Variants in SMARCA4 observed in about 807,000 individuals in gnomAD.
SMARCA4 encodes the protein SWI/SNF related BAF chromatin remodeling complex subunit ATPase 4.
SMARCA4 carries 31 observed loss-of-function variants against 193.9 expected under a neutral mutation model. The ratio of observed to expected loss-of-function variants is 0.16; its 90% CI spans 0.12 to 0.22. The LOEUF (loss-of-function observed/expected upper bound fraction) is 0.22. Ranked by LOEUF, SMARCA4 falls within the 10% of genes least tolerant of loss-of-function variation. The probability of loss-of-function intolerance (pLI) is 1.00; values close to 1 mark genes in which losing one functional copy is unlikely to be tolerated. For synonymous variants in SMARCA4, 942 were observed against 933.1 expected, an observed-to-expected ratio of 1.01 and a Z score of -0.17; for missense variants, 1,148 against 2,296.0, an observed-to-expected ratio of 0.50 and a Z score of 10.22.
chr19:11,052,660 C>T (rs1236153569), intron 30 of SMARCA4, among the ~76,000 whole-genome samples: 6 of 152,194 alleles, frequency 3.9e-5, no homozygotes, highest in Non-Finnish European at 7.3e-5. Flanking sequence ...ACTCAGGATT[C>T]CAGGACCTCC....
rs755746907 is a variant in SMARCA4, at chr19:10,986,285, G to T, written c.452G>T (p.Gly151Val). 2 of 1,613,824 alleles carry T rather than the reference G, an allele frequency of 1.2e-6. No homozygotes were observed. Among genetic ancestry groups the T allele is most frequent in the Non-Finnish European group, 1.7e-6 (2 of 1,180,004 alleles). The change falls in exon 4 of 35, where the codon GGT (glycine) becomes GTT (valine). Residue 151 changes from glycine (G) to valine (V), a missense_variant. Physicochemically the swap from Gly to Val is moderately radical, Grantham distance 109. Coordinates refer to ENST00000344626, the MANE Select transcript of SMARCA4 (RefSeq NM_003072.5). This position sits in a 1 kb window ranked among gnomAD's most constrained non-coding sequence, Gnocchi z 6.7. ...SGPQMSSGPG[G>V]APLDGADPQA... Reference sequence around the variant, plus strand: ...CCCCAGATGTCTTCCGGGCCAGGAGGTGCCCCGCTGGATGGTGCTGACCCC... The same window carrying T: ...CCCCAGATGTCTTCCGGGCCAGGAGTTGCCCCGCTGGATGGTGCTGACCCC...
In SMARCA4 at chr19:10,986,899, A is replaced by G. The variant is rs772994811; in HGVS notation, c.761-6A>G. 3.1e-6 allele frequency: 5 copies of G among 1,605,250 alleles called. No individual in the cohort carries two copies. The highest frequency in any genetic ancestry group is 2.2e-5 in the East Asian group (1 of 44,820). On this transcript the variant is annotated splice_region_variant and splice_polypyrimidine_tract_variant and intron_variant, in intron 4 of 34. Coordinates refer to ENST00000344626, the MANE Select transcript of SMARCA4 (RefSeq NM_003072.5). This position sits in a 1 kb window ranked among gnomAD's most constrained non-coding sequence, Gnocchi z 6.7. ...TGTTTTCTCTTTTGTTTCTCCCTAC[A>G]TGTAGGTATGGGAGGGCCCAACATG...
chr19:11,043,672 T>C (rs1442430398), intron 30 of SMARCA4, among the ~76,000 whole-genome samples: 2 of 151,852 alleles, frequency 1.3e-5, no homozygotes, highest in Non-Finnish European at 2.9e-5. Context: ...ATGAAATAAA[T>C]ACAGAATACT....
rs2147113632 is a variant in SMARCA4 at position 11,059,783 on chromosome 19, G to C, written c.4666G>C (p.Val1556Leu). The C allele has an allele frequency of 6.2e-7, 1 of 1,600,018 alleles. No individual in the cohort carries two copies. The highest frequency in any genetic ancestry group is 8.5e-7 in the Non-Finnish European group (1 of 1,173,552). The change falls in exon 33 of 35, where the codon GTC becomes CTC. Residue 1556 changes from valine to leucine, a missense_variant. Transcript: ENST00000344626. ...TGAAGACTCCATCGTCTTGCAGTCG[G>C]TCTTCACCAGCGTGCGGCAGAAAAT... Reference protein sequence around the residue: ...IYEDSIVLQSVFTSVRQKIEK... With the variant: ...IYEDSIVLQSLFTSVRQKIEK...
At chr19:11,052,709 A>G (rs751399692) in intron 30 of SMARCA4, among the ~76,000 whole-genome samples, 2 of 152,192 alleles carry the variant, frequency 1.3e-5, no homozygotes, top group Non-Finnish European at 2.9e-5. Context: ...ATGAATTCAG[A>G]AAAGAGCGAA....
intron 1 of SMARCA4, among the ~76,000 whole-genome samples, chr19:10,981,036 T>C (rs2085516023): frequency 6.6e-6 from 1 of 152,188 alleles, no homozygotes; most frequent in Admixed American, 6.5e-5. Context: ...ACAGGCGTGC[T>C]GGATTGTATT....
At chr19:10,962,176 C>T (rs1399868119) in intron 1 of SMARCA4, among the ~76,000 whole-genome samples, 1 of 152,100 alleles carries the variant, frequency 6.6e-6, no homozygotes, top group African/African-American at 2.4e-5. Flanking sequence ...TCTTAGTTTT[C>T]CTCCTTTGTG....
rs778702246 is a variant in SMARCA4, at chr19:11,019,017, T to C, written c.2499T>C (p.Ser833=). ...GGGCCCCCTCCGTGGTGAAGGTGTC[T>C]TACAAGGTAGGTCACAGCCACTGAG... ...DKWAPSVVKV[S]YKGSPAARRA... Residue 833 remains serine, a synonymous_variant, in exon 17 of 35, where the codon TCT becomes TCC. Transcript: ENST00000344626. This position sits in a 1 kb window ranked among gnomAD's most constrained non-coding sequence, Gnocchi z 6.1. 7.4e-6 allele frequency: 12 copies of C among 1,613,488 alleles called. No individual in the cohort carries two copies. Among genetic ancestry groups the C allele is most frequent in the Non-Finnish European group, 9.3e-6 (11 of 1,179,458 alleles).
In SMARCA4 at chr19:11,061,498, C is replaced by G. The variant is rs575035726; in HGVS notation, c.4912-286C>G. 2.6e-5 allele frequency among the ~76,000 whole-genome samples: 4 copies of G among 152,146 alleles called. No individual in the cohort carries two copies. In the East Asian group the frequency reaches 7.7e-4, roughly 29 times the overall value. The stretch of plus-strand genomic sequence containing the variant: ...TCGCGCCATTCTCCTGCCTCAGCCT[C>G]CCAAGTAGCTGGGACTACAGGCGCC... On this transcript the variant is annotated intron_variant, in intron 34 of 34. Transcript: ENST00000344626.
rs147155934 is a variant in SMARCA4, at chr19:10,995,401, G to C, written c.1593+400G>C. ...CGTGTTCTGGGCCAGGTGCTGCTCT[G>C]TGTACGGGGACATGGCCCCTGCCTT... On this transcript the variant is annotated intron_variant, in intron 9 of 34. Coordinates refer to ENST00000344626, the MANE Select transcript of SMARCA4 (RefSeq NM_003072.5). The C allele has an allele frequency of 1.6e-3, 749 of 465,046 alleles. 4 individuals are homozygous for C. The highest frequency in any genetic ancestry group is 0.014 in the African/African-American group (687 of 50,568). 28.8% of individuals were successfully genotyped at this position (465,046 alleles called of 1,614,324 possible).
chr19:11,036,470 GCTGGTCTCAAACTC>G (rs2075276318), intron 29 of SMARCA4, among the ~76,000 whole-genome samples: 1 of 152,002 alleles, frequency 6.6e-6, no homozygotes, highest in African/African-American at 2.4e-5. Flanking sequence ...TGTCACTCAG[GCTGGTCTCAAACTC>G]CTGGGCTCAA....
At position 10,987,433 on chromosome 19, in the gene SMARCA4, C is replaced by A. The variant is rs748973358; in HGVS notation, c.860-233C>A. Reference sequence around the variant, plus strand: ...TAGAGCCACAGACAGAACAAAAAGGCCTTGGGAGCCTGGGGCTGGCCCCAG... The same window carrying A: ...TAGAGCCACAGACAGAACAAAAAGGACTTGGGAGCCTGGGGCTGGCCCCAG... On this transcript the variant is annotated intron_variant, in intron 5 of 34. Coordinates refer to ENST00000344626, the MANE Select transcript of SMARCA4 (RefSeq NM_003072.5). The surrounding 1 kb of genome is among the most constrained non-coding windows in gnomAD (Gnocchi z 5.3). Among the ~76,000 whole-genome samples, 60 of 152,262 alleles carry A rather than the reference C, an allele frequency of 3.9e-4. No homozygotes were observed. Among genetic ancestry groups the A allele is most frequent in the Non-Finnish European group, 7.9e-4 (54 of 68,014 alleles).
Position 11,026,290 on chromosome 19 carries a change from T to C in SMARCA4, c.3169-10T>C. On this transcript the variant is annotated splice_polypyrimidine_tract_variant and intron_variant, in intron 22 of 34. Transcript: ENST00000344626. ...TGCCTGTCACTGACCCCTCTCTCCT[T>C]GCCTTGCAGGAGTCCTTTTCCGAGC... 6.2e-7 allele frequency: 1 copy of C among 1,613,264 alleles called. No individual in the cohort carries two copies. The highest frequency in any genetic ancestry group is 8.5e-7 in the Non-Finnish European group (1 of 1,179,404).
chr19:11,060,668 A>G lies in SMARCA4; in HGVS notation c.4911+481A>G, dbSNP rs535601397. On this transcript the variant is annotated intron_variant, in intron 34 of 34. Coordinates refer to ENST00000344626, the MANE Select transcript of SMARCA4 (RefSeq NM_003072.5). ...GAGAAGATCCACTTGCTGGCTTTAA[A>G]TAATCTCACCTCTGTCTCTGGCCCT... Among the ~76,000 whole-genome samples, 7 of 152,322 alleles carry G rather than the reference A, an allele frequency of 4.6e-5. No homozygotes were observed. In the South Asian group the frequency reaches 1.2e-3, roughly 27 times the overall value.
Position 10,990,757 on chromosome 19 carries a change from C to T in SMARCA4, c.1246-393C>T, listed in dbSNP as rs190369708. ...TAGTTTTTGTAGAAGTGAGGTCTCT[C>T]CATGTTGCCCAGGTTGGTCTCAAAC... On this transcript the variant is annotated intron_variant, in intron 7 of 34. Coordinates refer to ENST00000344626, the MANE Select transcript of SMARCA4 (RefSeq NM_003072.5). Among the ~76,000 whole-genome samples the T allele has an allele frequency of 4.6e-3, 708 of 152,328 alleles. 17 individuals are homozygous for T. Among genetic ancestry groups the T allele is most frequent in the Admixed American group, 0.035 (532 of 15,304 alleles).
At chr19:10,978,780 A>AAAAT (rs2085333697) in intron 1 of SMARCA4, among the ~76,000 whole-genome samples, 2 of 148,230 alleles carry the variant, frequency 1.3e-5, no homozygotes, top group African/African-American at 4.9e-5. Context: ...AAATACAAAA[A>AAAAT]ATATATATAT....
At chr19:11,051,685 T>C (rs1443415305) in intron 30 of SMARCA4, among the ~76,000 whole-genome samples, 1 of 151,998 alleles carries the variant, frequency 6.6e-6, no homozygotes, top group African/African-American at 2.4e-5. Flanking sequence ...GAGATGGGGT[T>C]TAACCACGTT....
At position 11,034,843 on chromosome 19, in the gene SMARCA4, G is replaced by A. The variant is rs1433484763; in HGVS notation, c.3952-71G>A. ...CAGAGAAAGGCCCTTCTGAACTCTC[G>A]GTGTTCTGGCTCTAGCGTGCCCCTG... On this transcript the variant is annotated intron_variant, in intron 28 of 34. Transcript: ENST00000344626. The surrounding 1 kb of genome is among the most constrained non-coding windows in gnomAD (Gnocchi z 7.0). 12 of 985,860 alleles carry A rather than the reference G, an allele frequency of 1.2e-5. No homozygotes were observed. Among genetic ancestry groups the A allele is most frequent in the Non-Finnish European group, 1.9e-5 (12 of 643,330 alleles). The allele number at this position is 985,860 out of a possible 1,614,324, so 61.1% of individuals were successfully genotyped here.
rs2085850186 is a variant in SMARCA4, at chr19:10,984,583, GC to G, written c.222+214del. 6.6e-6 allele frequency among the ~76,000 whole-genome samples: 1 copy of G among 152,256 alleles called. No homozygotes were observed. Among genetic ancestry groups the G allele is most frequent in the Admixed American group, 6.5e-5 (1 of 15,290 alleles). ...CAGCCTGTGCTGGCGCATGATCTGG[GC>G]CCCGCGGGCACCTGCCCCACCGTTT... On this transcript the variant is annotated intron_variant, in intron 2 of 34. Coordinates refer to ENST00000344626, the MANE Select transcript of SMARCA4 (RefSeq NM_003072.5). This position sits in a 1 kb window ranked among gnomAD's most constrained non-coding sequence, Gnocchi z 4.3.
Sources: allele counts gnomAD v4.1 joint callset (sites outside exome capture counted in the v4.1 genomes callset), GRCh38; gene constraint gnomAD v4.1.1; non-coding constraint Gnocchi (gnomAD v3.1); transcripts MANE v1.5; gene names NCBI Gene and HGNC (gene_info 2026-07-23, HGNC 2026-07-21).